ABCA10: variants seen among roughly 807,000 people sequenced by gnomAD.
ABCA10 encodes the protein ATP binding cassette subfamily A member 10, also known as ATP-binding cassette sub-family A member 10.
A neutral mutation model predicts 187.5 loss-of-function variants in ABCA10; 169 were observed. The observed-to-expected ratio is 0.90, with a 90% CI of 0.80 to 1.02. The LOEUF is 1.02. ABCA10 is among the 50% of genes least tolerant of loss of function. ABCA10 has a pLI of 0.00. For missense variants in ABCA10, 1,727 were observed against 1,812.4 expected (o/e 0.95, Z 0.86); for synonymous variants, 574 against 601.8 (o/e 0.95, Z 0.68).
intron 18 of ABCA10, among the ~76,000 whole-genome samples, chr17:69,190,100 A>G (rs2074448890): frequency 6.6e-6 from 1 of 152,168 alleles, no homozygotes. Context: ...TTGCAAAGAG[A>G]TGTGCCTGTC....
intron 1 of ABCA10, among the ~76,000 whole-genome samples, chr17:69,238,037 C>T (rs773414374): frequency 6.6e-6 from 1 of 151,948 alleles, no homozygotes; most frequent in Non-Finnish European, 1.5e-5. Context: ...TGGCAGGCAC[C>T]TGTAATCCCA....
At chr17:69,192,436 G>T in intron 16 of ABCA10, 127 bp downstream of exon 16, 1 of 719,292 alleles carries the variant, frequency 1.4e-6, no homozygotes, top group Non-Finnish European at 2.2e-6. Context: ...GACATTTTGA[G>T]CTGTTTATTG....
intron 9 of ABCA10, among the ~76,000 whole-genome samples, chr17:69,212,028 G>A (rs1465416917): frequency 1.3e-5 from 2 of 151,768 alleles, no homozygotes; most frequent in Non-Finnish European, 2.9e-5. Flanking sequence ...GTTTGGGTTT[G>A]GTTTGTTTTT....
Position 69,182,268 on chromosome 17 carries a change from C to A in ABCA10, c.2654G>T (p.Cys885Phe). The A allele has an allele frequency of 6.4e-7, 1 of 1,567,364 alleles. No homozygotes were observed. Among genetic ancestry groups the A allele is most frequent in the Non-Finnish European group, 8.6e-7 (1 of 1,156,456 alleles). Residue 885 changes from cysteine to phenylalanine, a missense_variant, in exon 22 of 39, where the codon TGT becomes TTT. Physicochemically the swap from Cys to Phe is radical, Grantham distance 205. Coordinates refer to ENST00000690296, the MANE Select transcript of ABCA10 (RefSeq NM_001377321.1). ...AAAACAATTCAATTTCTTGGTATTA[C>A]ACGCAACAGAAAATCTGTAATCCTT... ...DQKDYRFSVA[C>F]NTKKLNCFPV...
intron 29 of ABCA10, 21 bp downstream of exon 29, chr17:69,155,784 G>T: frequency 6.2e-7 from 1 of 1,610,730 alleles, no homozygotes; most frequent in Non-Finnish European, 8.5e-7. Context: ...TTTTATTAAG[G>T]GTCTAATCCC....
chr17:69,201,768 T>C, intron 9 of ABCA10, 100 bp from the exon 10 acceptor site: 1 of 1,022,032 alleles, frequency 9.8e-7, no homozygotes, highest in Non-Finnish European at 1.3e-6. Context: ...ACTTAAGTTA[T>C]TTATCTTGGG....
intron 5 of ABCA10, among the ~76,000 whole-genome samples, chr17:69,220,316 G>C (rs1441277982): frequency 6.6e-6 from 1 of 152,118 alleles, no homozygotes; most frequent in Non-Finnish European, 1.5e-5. Flanking sequence ...AAGGTGTATA[G>C]TGCGTTGGAG....
At chr17:69,175,210 T>G (rs1237815140) in intron 23 of ABCA10, among the ~76,000 whole-genome samples, 196 bp downstream of exon 23, 6 of 152,142 alleles carry the variant, frequency 3.9e-5, no homozygotes, top group African/African-American at 1.4e-4. Context: ...CTGTGGCAAT[T>G]TTATTGTGCT....
At chr17:69,166,694 T>TA (rs1405440486) in intron 25 of ABCA10, among the ~76,000 whole-genome samples, 1 of 152,112 alleles carries the variant, frequency 6.6e-6, no homozygotes, top group Non-Finnish European at 1.5e-5. Context: ...AGGTTTAACT[T>TA]AAAAAATGTC....
intron 1 of ABCA10, among the ~76,000 whole-genome samples, chr17:69,239,810 C>T (rs547087312): frequency 5.9e-5 from 9 of 152,312 alleles, no homozygotes; most frequent in Non-Finnish European, 1.0e-4. Context: ...TGTATAGTGA[C>T]GTTGGCGTGC....
In ABCA10 at chr17:69,152,414, C is replaced by G. The variant is rs2074136630; in HGVS notation, c.4204G>C (p.Glu1402Gln). ...GTLLTTHYMSEAEAVCDRMAM... is the reference protein window; with the variant it reads ...GTLLTTHYMSQAEAVCDRMAM... ...ATACGGTCACACACAGCCTCAGCCTCTGACATGTAATGGGTGGTCAAGAGG... is the reference window on the plus strand; with the variant it reads ...ATACGGTCACACACAGCCTCAGCCTGTGACATGTAATGGGTGGTCAAGAGG... The change falls in exon 35 of 39, where the codon GAG (glutamate) becomes CAG (glutamine). Residue 1402 changes from glutamate to glutamine, a missense_variant. By Grantham distance (29) the Glu-to-Gln change is conservative (BLOSUM62 2). Coordinates refer to ENST00000690296, the MANE Select transcript of ABCA10 (RefSeq NM_001377321.1). 6.2e-7 allele frequency: 1 copy of G among 1,614,080 alleles called. No homozygotes were observed. The highest frequency in any genetic ancestry group is 1.1e-5 in the South Asian group (1 of 91,074).
At chr17:69,234,362 G>A (rs2074850737) in intron 1 of ABCA10, 1 of 152,432 alleles carries the variant, frequency 6.6e-6, no homozygotes, top group Admixed American at 6.5e-5. Context: ...AGTCAGAGGA[G>A]GCTCTCTGTT....
At chr17:69,189,515 CTTTAG>C (rs2074445051) in intron 18 of ABCA10, among the ~76,000 whole-genome samples, 1 of 152,070 alleles carries the variant, frequency 6.6e-6, no homozygotes, top group African/African-American at 2.4e-5. Context: ...TGCAGATGCT[CTTTAG>C]TTTAATTAGG....
intron 13 of ABCA10, 85 bp from the exon 14 acceptor site, chr17:69,193,697 T>C (rs1249290447): frequency 1.9e-6 from 3 of 1,548,002 alleles, no homozygotes; most frequent in Non-Finnish European, 2.6e-6. Flanking sequence ...GGATTTAGTC[T>C]AGAACTTCGT....
intron 9 of ABCA10, among the ~76,000 whole-genome samples, chr17:69,213,124 T>C (rs986304220): frequency 6.6e-6 from 1 of 152,182 alleles, no homozygotes; most frequent in Non-Finnish European, 1.5e-5. Flanking sequence ...AGGATTGTTC[T>C]GTTATGACTT....
Position 69,193,628 on chromosome 17 carries a change from CTG to C in ABCA10, c.1522-18_1522-17del, listed in dbSNP as rs2074477980. On this transcript the variant is annotated splice_polypyrimidine_tract_variant and intron_variant, in intron 13 of 38. Transcript: ENST00000690296. ...TTCTTTTTACCTATCAAAGAAAACT[CTG>C]TGTTAACAATATCAAATATTTTACT... 2.5e-6 allele frequency: 4 copies of C among 1,590,734 alleles called. No homozygotes were observed. Among genetic ancestry groups the C allele is most frequent in the East Asian group, 2.2e-5 (1 of 44,476 alleles).
intron 10 of ABCA10, among the ~76,000 whole-genome samples, chr17:69,199,570 TGA>T (rs2074529077): frequency 6.6e-6 from 1 of 152,152 alleles, no homozygotes; most frequent in Non-Finnish European, 1.5e-5. Flanking sequence ...CACAATTATC[TGA>T]GAGTACACTC....
intron 9 of ABCA10, among the ~76,000 whole-genome samples, chr17:69,204,495 T>C (rs1278449639): frequency 6.6e-6 from 1 of 152,210 alleles, no homozygotes; most frequent in Non-Finnish European, 1.5e-5. Flanking sequence ...TTTGAGGTGT[T>C]TCCTCCATGC....
chr17:69,167,935 A>ACCT lies in ABCA10; in HGVS notation c.3163-2855_3163-2853dup, dbSNP rs2074266194. On this transcript the variant is annotated intron_variant, in intron 25 of 38. Transcript: ENST00000690296. ...GTCTGTCTCTCCCGCCTCCCCTTCC[A>ACCT]CCTCTTCCACCTCTTTCACCTCTGA... is the stretch of plus-strand genomic sequence containing the variant. 2.7e-5 allele frequency among the ~76,000 whole-genome samples: 4 copies of ACCT among 150,838 alleles called. No individual in the cohort carries two copies. The South Asian group carries it at 8.3e-4, about 31-fold the overall frequency.
Sources: gnomAD v4.1 joint callset for allele counts (sites outside exome capture counted in the v4.1 genomes callset) on GRCh38, gnomAD v4.1.1 for gene constraint, MANE v1.5 for transcripts, NCBI Gene and HGNC (gene_info 2026-07-23, HGNC 2026-07-21) for gene names.